MARCHF8: variants seen among roughly 807,000 people sequenced by gnomAD.
The protein encoded by MARCHF8 is membrane associated ring-CH-type finger 8, also known as E3 ubiquitin-protein ligase MARCHF8.
Under a neutral mutation model 51.6 loss-of-function variants are expected in MARCHF8, and 40 were observed. The ratio of observed to expected loss-of-function variants is 0.77; its 90% CI spans 0.60 to 1.01. MARCHF8 has a LOEUF of 1.01. MARCHF8 is among the 50% of genes least tolerant of loss of function. The pLI, the probability that MARCHF8 is intolerant of heterozygous loss-of-function variation, is 0.00. For synonymous variants in MARCHF8, 263 were observed against 280.3 expected (o/e 0.94, Z 0.62); for missense variants, 685 against 708.6 (o/e 0.97, Z 0.38).
At chr10:45,529,370 T>G (rs907445514) in intron 2 of MARCHF8, among the ~76,000 whole-genome samples, 6 of 152,198 alleles carry the variant, frequency 3.9e-5, no homozygotes, top group African/African-American at 1.4e-4. Flanking sequence ...ATAAAGATTC[T>G]AGAAGAAAAC....
At chr10:45,459,711 T>C (rs1325880459) in intron 6 of MARCHF8, 1 of 985,252 alleles carries the variant, frequency 1.0e-6, no homozygotes, top group Non-Finnish European at 1.2e-6. Flanking sequence ...CACACTACAT[T>C]GTGAAGGTGA....
chr10:45,469,992 A>C (rs1843116148), intron 3 of MARCHF8, among the ~76,000 whole-genome samples: 1 of 152,082 alleles, frequency 6.6e-6, no homozygotes, highest in Non-Finnish European at 1.5e-5. Flanking sequence ...AAAATAAAAG[A>C]AGAAGATGGC....
upstream of MARCHF8, chr10:45,535,459 A>G (rs1353382743): frequency 6.6e-6 from 1 of 152,208 alleles, no homozygotes; most frequent in African/African-American, 2.4e-5. Flanking sequence ...AGGGCTATTT[A>G]TGGCACAGAA....
rs532215303 is a variant in MARCHF8 at position 45,587,946 on chromosome 10, T to C, written c.-79+6289A>G. Among the ~76,000 whole-genome samples, 7 of 152,050 alleles carry C rather than the reference T, an allele frequency of 4.6e-5. No individual in the cohort carries two copies. The South Asian group carries it at 1.5e-3, about 32-fold the overall frequency. On this transcript the variant is annotated intron_variant, in intron 1 of 6. Transcript: ENST00000319836. ...AGGCCTCCTCGGACAAAAAATAAAA[T>C]TAAAATTAAAAAACTGTGTATTCAT... is the stretch of plus-strand genomic sequence containing the variant.
chr10:45,462,815 G>A (rs1460263873), intron 5 of MARCHF8, among the ~76,000 whole-genome samples: 1 of 151,836 alleles, frequency 6.6e-6, no homozygotes, highest in Non-Finnish European at 1.5e-5. Flanking sequence ...TAGTAGAGAC[G>A]GGGTTTCGCC....
chr10:45,532,187 G>A (rs1017473191), intron 2 of MARCHF8, among the ~76,000 whole-genome samples: 1 of 151,520 alleles, frequency 6.6e-6, no homozygotes. Context: ...ACAAATAATT[G>A]ATTAATGCTA....
intron 2 of MARCHF8, among the ~76,000 whole-genome samples, chr10:45,505,586 A>T (rs977760965): frequency 6.6e-6 from 1 of 152,232 alleles, no homozygotes; most frequent in East Asian, 1.9e-4. Flanking sequence ...GAAGAACAAG[A>T]TAACATTAAT....
At chr10:45,550,076 TG>T (rs1179918104) in intron 1 of MARCHF8, among the ~76,000 whole-genome samples, 2 of 152,380 alleles carry the variant, frequency 1.3e-5, no homozygotes, top group Admixed American at 6.5e-5. Context: ...GGAGCCGTTT[TG>T]TAACAATTTA....
upstream of MARCHF8, among the ~76,000 whole-genome samples, chr10:45,539,051 TG>T (rs1308216706): frequency 6.6e-6 from 1 of 152,182 alleles, no homozygotes; most frequent in Non-Finnish European, 1.5e-5. Flanking sequence ...ATTCCAAAAT[TG>T]ACCACATAGT....
chr10:45,463,110 C>A (rs190419374), intron 5 of MARCHF8, 41 bp downstream of exon 5: 11 of 1,517,020 alleles, frequency 7.3e-6, no homozygotes, highest in Admixed American at 2.1e-5. Context: ...GTTCCTGATG[C>A]GAGCAGAGAT....
intron 2 of MARCHF8, among the ~76,000 whole-genome samples, chr10:45,510,136 C>T (rs1266788695): frequency 6.6e-6 from 1 of 152,110 alleles, no homozygotes; most frequent in African/African-American, 2.4e-5. Context: ...CTTACAGATG[C>T]TTTCAGCTTG....
intron 1 of MARCHF8, among the ~76,000 whole-genome samples, chr10:45,556,317 T>C (rs1164573877): frequency 1.3e-5 from 2 of 152,182 alleles, no homozygotes; most frequent in African/African-American, 2.4e-5. Flanking sequence ...TTTGGGATGA[T>C]AGTGGTATTG....
intron 1 of MARCHF8, among the ~76,000 whole-genome samples, chr10:45,570,092 A>G (rs1385655503): frequency 1.3e-5 from 2 of 152,228 alleles, no homozygotes. Flanking sequence ...CAAAACTCAG[A>G]TGGTTTCACT....
chr10:45,508,184 TCTC>T (rs1430140342), intron 2 of MARCHF8, among the ~76,000 whole-genome samples: 13 of 152,124 alleles, frequency 8.5e-5, no homozygotes, highest in African/African-American at 3.1e-4. Context: ...AGTGTTGAAA[TCTC>T]CTGGTAACTT....
chr10:45,560,924 C>T (rs1015529797), intron 1 of MARCHF8, among the ~76,000 whole-genome samples: 2 of 152,186 alleles, frequency 1.3e-5, no homozygotes, highest in East Asian at 3.9e-4. Flanking sequence ...GTATAAGATA[C>T]ATACAAGGAT....
intron 1 of MARCHF8, among the ~76,000 whole-genome samples, chr10:45,550,946 T>A (rs1349993901): frequency 1.3e-5 from 2 of 152,230 alleles, no homozygotes; most frequent in Non-Finnish European, 2.9e-5. Context: ...GGCCACAATA[T>A]GCAGATATTT....
At chr10:45,511,474 A>C (rs989676862) in intron 2 of MARCHF8, among the ~76,000 whole-genome samples, 6 of 152,006 alleles carry the variant, frequency 3.9e-5, no homozygotes, top group African/African-American at 9.7e-5. Flanking sequence ...GCTGGACTGT[A>C]CTGCTGCCAT....
rs964293664 is a variant in MARCHF8, at chr10:45,463,570, G to A, written c.669C>T (p.Ala223=). 22 of 1,550,524 alleles carry A rather than the reference G, an allele frequency of 1.4e-5. No homozygotes were observed. The highest frequency in any genetic ancestry group is 1.1e-4 in the South Asian group (9 of 84,066). The change falls in exon 5 of 8, where the codon GCC becomes GCT. Residue 223 remains alanine, a synonymous_variant. Coordinates refer to ENST00000453424, the MANE Select transcript of MARCHF8 (RefSeq NM_001282866.2). The stretch of plus-strand genomic sequence containing the variant: ...CCACCTCTGAGGCAGTTGAGCGACC[G>A]GCAGAAAGGCATGAAACACAAGAAT... ...SKHSCVSCLS[A]GRSTASEVEA...
At chr10:45,511,314 CTA>C (rs1427802326) in intron 2 of MARCHF8, among the ~76,000 whole-genome samples, 2 of 152,106 alleles carry the variant, frequency 1.3e-5, no homozygotes, top group Non-Finnish European at 2.9e-5. Flanking sequence ...TTGAAATAAT[CTA>C]TGTCAATATA....
Sources: gnomAD v4.1 joint callset for allele counts (sites outside exome capture counted in the v4.1 genomes callset) on GRCh38, gnomAD v4.1.1 for gene constraint, MANE v1.5 for transcripts, NCBI Gene and HGNC (gene_info 2026-07-23, HGNC 2026-07-21) for gene names.